PHIP: variants seen among roughly 807,000 people sequenced by gnomAD.
PHIP encodes PH-interacting protein.
In PHIP, 54 loss-of-function variants were observed where a neutral mutation model predicts 236.8. That is an observed-to-expected ratio of 0.23 (90% CI 0.18 to 0.29). PHIP has a LOEUF of 0.29. Among genes scored for constraint, PHIP ranks in the 10% least tolerant of loss-of-function variants. PHIP has a pLI of 1.00. For missense variants in PHIP, 1,370 were observed against 2,190.8 expected, an observed-to-expected ratio of 0.63 and a Z score of 7.48; for synonymous variants, 756 against 718.9, an observed-to-expected ratio of 1.05 and a Z score of -0.83.
In PHIP at chr6:78,997,632, A is replaced by G. The variant is rs748839500; in HGVS notation, c.2018-35T>C. 2.1e-5 allele frequency: 31 copies of G among 1,508,038 alleles called. No homozygotes were observed. The East Asian group carries it at 7.1e-4, about 35-fold the overall frequency. 93.4% of individuals were successfully genotyped at this position (1,508,038 alleles called of 1,614,324 possible). On this transcript the variant is annotated intron_variant, in intron 18 of 39. Coordinates refer to ENST00000275034, the MANE Select transcript of PHIP (RefSeq NM_017934.7). ...AAAGTTACTATATTAAGTTCTACTT[A>G]GAGATATTTCTCCATTAGTTTATAA...
intron 7 of PHIP, among the ~76,000 whole-genome samples, chr6:79,036,687 C>T (rs528107954): frequency 2.6e-5 from 4 of 152,106 alleles, no homozygotes; most frequent in South Asian, 2.1e-4. Flanking sequence ...CTTTGGAGGC[C>T]GAGGCGGGTA....
chr6:78,952,312 G>C (rs145608887), intron 35 of PHIP, among the ~76,000 whole-genome samples: 5 of 151,428 alleles, frequency 3.3e-5, no homozygotes, highest in Non-Finnish European at 5.9e-5. Flanking sequence ...CCAGCTACTC[G>C]TGAGGCCGAG....
intron 36 of PHIP, among the ~76,000 whole-genome samples, 158 bp downstream of exon 36, chr6:78,947,465 C>T (rs1436346986): frequency 2.6e-5 from 4 of 152,110 alleles, no homozygotes; most frequent in African/African-American, 9.7e-5. Flanking sequence ...ATACAAGGAG[C>T]TGAGTAGAAA....
intron 24 of PHIP, among the ~76,000 whole-genome samples, chr6:78,976,014 GA>G (rs1254755511): frequency 6.6e-6 from 1 of 151,728 alleles, no homozygotes; most frequent in Non-Finnish European, 1.5e-5. Flanking sequence ...CACAGAATTG[GA>G]AAAAACTACT....
intron 6 of PHIP, among the ~76,000 whole-genome samples, chr6:79,046,674 C>T (rs568838130): frequency 2.0e-5 from 3 of 151,844 alleles, no homozygotes; most frequent in Non-Finnish European, 4.4e-5. Flanking sequence ...GTCAGGAGTT[C>T]GAGACCAGCC....
At chr6:78,982,495 T>A (rs965726618) in intron 23 of PHIP, among the ~76,000 whole-genome samples, 1 of 152,016 alleles carries the variant, frequency 6.6e-6, no homozygotes, top group African/African-American at 2.4e-5. Context: ...CCTCACAGAC[T>A]TTGTTTATTT....
intron 10 of PHIP, 37 bp from the exon 11 acceptor site, chr6:79,017,620 A>G (rs1174477733): frequency 2.1e-6 from 3 of 1,412,260 alleles, no homozygotes; most frequent in Admixed American, 1.7e-5. Context: ...GAAGTAAAAC[A>G]TAACTTCAAA....
At chr6:79,011,585 T>C (rs1320627745) in intron 15 of PHIP, among the ~76,000 whole-genome samples, 1 of 151,766 alleles carries the variant, frequency 6.6e-6, no homozygotes, top group East Asian at 1.9e-4. Flanking sequence ...TGTCATATAC[T>C]TCTTATAAGT....
intron 6 of PHIP, among the ~76,000 whole-genome samples, chr6:79,059,113 C>T (rs1032119783): frequency 3.3e-5 from 5 of 152,010 alleles, no homozygotes; most frequent in Non-Finnish European, 7.4e-5. Flanking sequence ...ATATCACATA[C>T]GTTATCTCTG....
chr6:79,011,904 T>C (rs914907471), intron 15 of PHIP, among the ~76,000 whole-genome samples: 2 of 151,500 alleles, frequency 1.3e-5, no homozygotes, highest in African/African-American at 2.4e-5. Flanking sequence ...AGAAAAAAAT[T>C]AGAATACTTA....
At position 79,078,078 on chromosome 6, in the gene PHIP, T is replaced by A. The variant is rs1353610834; in HGVS notation, c.-10A>T. 1 of 1,608,210 alleles carries A rather than the reference T, an allele frequency of 6.2e-7. No homozygotes were observed. Among genetic ancestry groups the A allele is most frequent in the Admixed American group, 1.7e-5 (1 of 59,860 alleles). On this transcript the variant is annotated 5_prime_UTR_variant, in exon 1 of 40. Coordinates refer to ENST00000275034, the MANE Select transcript of PHIP (RefSeq NM_017934.7). ...TCCTCTCACAAGACATGTTTATGGG[T>A]CACTTCAGGGCCGCCGACGGGACAC...
chr6:79,007,736 T>C (rs1036625579), intron 15 of PHIP, among the ~76,000 whole-genome samples: 2 of 150,970 alleles, frequency 1.3e-5, no homozygotes, highest in Non-Finnish European at 3.0e-5. Context: ...AATTTTAAAT[T>C]ATGTATGCAA....
chr6:78,960,489 T>C (rs1158637515), intron 31 of PHIP, among the ~76,000 whole-genome samples: 1 of 150,834 alleles, frequency 6.6e-6, no homozygotes, highest in African/African-American at 2.4e-5. Context: ...CAACACCTGA[T>C]ATTGAAAAAG....
Position 78,946,180 on chromosome 6 carries a change from G to A in PHIP, c.4451C>T (p.Ser1484Leu), listed in dbSNP as rs76016936. 2.5e-5 allele frequency: 40 copies of A among 1,613,636 alleles called. No homozygotes were observed. The highest frequency in any genetic ancestry group is 1.7e-6 in the Non-Finnish European group (2 of 1,179,670). ...AGCAGCATTGTGTCTTGGCGGTATT[G>A]ATCGTGTAGGTGTAGAGAATGCAGA... ...STSAFSTPTR[S>L]IPPRHNAAQI... Residue 1484 changes from serine (S) to leucine (L), a missense_variant, in exon 38 of 40, where the codon TCA becomes TTA. Physicochemically the swap from Ser to Leu is moderately radical, Grantham distance 145. Transcript: ENST00000275034.
At chr6:78,944,145 A>G (rs911309994) in intron 39 of PHIP, among the ~76,000 whole-genome samples, 1 of 152,158 alleles carries the variant, frequency 6.6e-6, no homozygotes, top group African/African-American at 2.4e-5. Context: ...AAAGGAGAAA[A>G]GAACAAAGAC....
chr6:78,988,375 TCACAGA>T, intron 20 of PHIP, 26 bp from the exon 21 acceptor site: 3 of 1,528,846 alleles, frequency 2.0e-6, no homozygotes, highest in Non-Finnish European at 2.7e-6. Context: ...TTAAATTTAT[TCACAGA>T]TTGTTTAAAG....
At chr6:79,074,647 G>A (rs1774060968) in intron 4 of PHIP, among the ~76,000 whole-genome samples, 1 of 151,932 alleles carries the variant, frequency 6.6e-6, no homozygotes, top group African/African-American at 2.4e-5. Context: ...AAATCTTAAG[G>A]TAGATGGTGA....
At chr6:78,952,746 A>C (rs189738427) in intron 35 of PHIP, among the ~76,000 whole-genome samples, 3 of 152,156 alleles carry the variant, frequency 2.0e-5, no homozygotes, top group African/African-American at 7.2e-5. Context: ...AGTTGATTTT[A>C]ATATGTCTTC....
intron 39 of PHIP, among the ~76,000 whole-genome samples, chr6:78,942,053 G>A (rs2127678546): frequency 6.6e-6 from 1 of 152,216 alleles, no homozygotes; most frequent in Non-Finnish European, 1.5e-5. Flanking sequence ...TTTCTGACAT[G>A]TTTTTATTTG....
Sources: gnomAD v4.1 joint callset for allele counts (sites outside exome capture counted in the v4.1 genomes callset) on GRCh38, gnomAD v4.1.1 for gene constraint, MANE v1.5 for transcripts, NCBI Gene and HGNC (gene_info 2026-07-23, HGNC 2026-07-21) for gene names.